ADAMTSL1: variants seen among roughly 807,000 people sequenced by gnomAD.
The protein encoded by ADAMTSL1 is ADAMTS like 1.
Under a neutral mutation model 201.8 loss-of-function variants are expected in ADAMTSL1, and 126 were observed. The observed-to-expected ratio is 0.62, with a 90% confidence interval of 0.54 to 0.72. The LOEUF is 0.72. Among genes scored for constraint, ADAMTSL1 ranks in the 30% least tolerant of loss-of-function variants. The pLI, the probability that ADAMTSL1 is intolerant of heterozygous loss-of-function variation, is 0.00. For missense variants in ADAMTSL1, 2,679 were observed against 2,277.8 expected (o/e 1.18, Z -3.59); for synonymous variants, 1,121 against 903.4 (o/e 1.24, Z -4.32).
intron 13 of ADAMTSL1, among the ~76,000 whole-genome samples, chr9:18,688,785 T>C (rs895732147): frequency 7.0e-6 from 1 of 142,452 alleles, no homozygotes; most frequent in Non-Finnish European, 1.5e-5. Flanking sequence ...CAGTGCCTAT[T>C]TGAGATGGAG....
At chr9:18,561,042 T>C (rs1393500297) in intron 3 of ADAMTSL1, among the ~76,000 whole-genome samples, 1 of 152,132 alleles carries the variant, frequency 6.6e-6, no homozygotes, top group Non-Finnish European at 1.5e-5. Context: ...TCTTATCTTC[T>C]GCTAGCTTTT....
intron 23 of ADAMTSL1, among the ~76,000 whole-genome samples, chr9:18,862,670 A>G (rs745482402): frequency 6.6e-6 from 1 of 152,176 alleles, no homozygotes; most frequent in Non-Finnish European, 1.5e-5. Flanking sequence ...AAAGTATGGT[A>G]TGACCCAAGT....
intron 1 of ADAMTSL1, among the ~76,000 whole-genome samples, chr9:17,965,209 G>T (rs550401612): frequency 3.9e-5 from 6 of 152,054 alleles, no homozygotes; most frequent in African/African-American, 1.4e-4. Context: ...TTCAATAGAA[G>T]AGTTTCAATT....
intron 3 of ADAMTSL1, among the ~76,000 whole-genome samples, chr9:18,563,727 A>G (rs938824471): frequency 6.6e-6 from 1 of 152,212 alleles, no homozygotes. Context: ...GGAGAAATCT[A>G]GAGAGGCAGT....
intron 1 of ADAMTSL1, among the ~76,000 whole-genome samples, chr9:17,985,900 G>A (rs563834424): frequency 9.2e-5 from 14 of 152,200 alleles, no homozygotes; most frequent in Admixed American, 5.2e-4. Flanking sequence ...TCTGAAATGC[G>A]TTGGCTATGA....
At chr9:18,871,842 T>C (rs1012532941) in intron 23 of ADAMTSL1, among the ~76,000 whole-genome samples, 1 of 152,186 alleles carries the variant, frequency 6.6e-6, no homozygotes, top group African/African-American at 2.4e-5. Context: ...TAGTGCATCT[T>C]GCAAAGAACC....
intron 23 of ADAMTSL1, among the ~76,000 whole-genome samples, chr9:18,843,195 G>A (rs563241062): frequency 2.7e-4 from 40 of 150,820 alleles, no homozygotes; most frequent in Middle Eastern, 3.4e-3. Context: ...TCCATGTTTA[G>A]TGCTTCCTTC....
chr9:18,674,468 T>G (rs1265768456), intron 9 of ADAMTSL1, among the ~76,000 whole-genome samples: 1 of 151,718 alleles, frequency 6.6e-6, no homozygotes, highest in East Asian at 1.9e-4. Context: ...CCTTTATCCC[T>G]CTCTCTCTCC....
chr9:18,409,735 G>A (rs1430500345), intron 2 of ADAMTSL1, among the ~76,000 whole-genome samples: 4 of 149,872 alleles, frequency 2.7e-5, no homozygotes, highest in African/African-American at 9.8e-5. Context: ...ATACATATAA[G>A]TATCATGTAT....
chr9:18,564,890 C>G (rs936114231), intron 3 of ADAMTSL1, among the ~76,000 whole-genome samples: 2 of 152,140 alleles, frequency 1.3e-5, no homozygotes, highest in Non-Finnish European at 2.9e-5. Context: ...GAATTTAAGA[C>G]TCTAAAATGA....
intron 7 of ADAMTSL1, among the ~76,000 whole-genome samples, chr9:18,643,496 T>C (rs1267604019): frequency 1.3e-5 from 2 of 151,994 alleles, no homozygotes; most frequent in African/African-American, 4.8e-5. Context: ...CCCAGACCAA[T>C]TGCAGATTGT....
At chr9:18,905,311 C>T (rs1213684299) in intron 26 of ADAMTSL1, among the ~76,000 whole-genome samples, 1 of 152,168 alleles carries the variant, frequency 6.6e-6, no homozygotes, top group Non-Finnish European at 1.5e-5. Flanking sequence ...TCTGTTCAGT[C>T]ATCCTAGGTT....
intron 1 of ADAMTSL1, among the ~76,000 whole-genome samples, chr9:17,995,784 C>G (rs1271222960): frequency 1.3e-5 from 2 of 151,466 alleles, no homozygotes; most frequent in Non-Finnish European, 2.9e-5. Context: ...AACAGACGTA[C>G]TGTATTATTT....
At chr9:18,287,450 AT>A (rs1270582372) in intron 2 of ADAMTSL1, among the ~76,000 whole-genome samples, 3 of 151,562 alleles carry the variant, frequency 2.0e-5, no homozygotes, top group Non-Finnish European at 2.9e-5. Flanking sequence ...ATGTATGTGT[AT>A]TTTACACATA....
At chr9:18,077,275 G>A (rs916553553) in intron 1 of ADAMTSL1, among the ~76,000 whole-genome samples, 1 of 152,170 alleles carries the variant, frequency 6.6e-6, no homozygotes. Flanking sequence ...GCTACACAAA[G>A]GCATATTTAA....
chr9:17,921,253 T>G (rs566199976), intron 1 of ADAMTSL1, among the ~76,000 whole-genome samples: 1 of 152,242 alleles, frequency 6.6e-6, no homozygotes, highest in South Asian at 2.1e-4. Context: ...GGGACAAACT[T>G]CACTCATCTC....
chr9:18,782,512 C>G (rs1209580710), intron 19 of ADAMTSL1, among the ~76,000 whole-genome samples: 3 of 152,130 alleles, frequency 2.0e-5, no homozygotes, highest in African/African-American at 7.2e-5. Flanking sequence ...GATTGCCTTT[C>G]CGCAAGGCTA....
At chr9:18,594,025 G>GT (rs1453628107) in intron 4 of ADAMTSL1, among the ~76,000 whole-genome samples, 2 of 151,682 alleles carry the variant, frequency 1.3e-5, no homozygotes, top group Non-Finnish European at 2.9e-5. Flanking sequence ...TTCCCTCTGT[G>GT]TTTTTTGTTT....
At chr9:18,303,638 A>G (rs1563872228) in intron 2 of ADAMTSL1, among the ~76,000 whole-genome samples, 1 of 152,176 alleles carries the variant, frequency 6.6e-6, no homozygotes, top group Non-Finnish European at 1.5e-5. Flanking sequence ...AAAGAAGAGA[A>G]TGACAAGAGT....
Sources: gnomAD v4.1 joint callset for allele counts (sites outside exome capture counted in the v4.1 genomes callset) on GRCh38, gnomAD v4.1.1 for gene constraint, MANE v1.5 for transcripts, NCBI Gene and HGNC (gene_info 2026-07-23, HGNC 2026-07-21) for gene names.